Variants in SCN3B observed in about 807,000 individuals in gnomAD.
The protein encoded by SCN3B is sodium channel regulatory subunit beta-3.
A neutral mutation model predicts 25.4 loss-of-function variants in SCN3B; 11 were observed. The observed-to-expected ratio is 0.43, with a 90% CI of 0.27 to 0.72. The LOEUF (loss-of-function observed/expected upper bound fraction) is 0.72. SCN3B is among the 30% of genes least tolerant of loss of function. The pLI is 0.18. For synonymous variants in SCN3B, 109 were observed against 110.7 expected (o/e 0.99, Z 0.09); for missense variants, 218 against 278.3 (o/e 0.78, Z 1.54).
At position 123,638,210 on chromosome 11, in the gene SCN3B, G is replaced by A; in HGVS notation, c.560C>T (p.Ala187Val). The A allele has an allele frequency of 1.2e-6, 2 of 1,614,094 alleles. No homozygotes were observed. Among genetic ancestry groups the A allele is most frequent in the Non-Finnish European group, 8.5e-7 (1 of 1,180,032 alleles). ...MIYCYRKVSK[A>V]EEAAQENASD... ...CGCGTTTTCTTGGGCTGCCTCTTCG[G>A]CTTTTGAGACCTTTCTGTAGCAATA... The change falls in exon 5 of 7, where the codon GCC becomes GTC. Residue 187 changes from alanine to valine, a missense_variant. Coordinates refer to ENST00000299333, the MANE Select transcript of SCN3B (RefSeq NM_001040151.2).
intron 5 of SCN3B, 99 bp from the exon 6 acceptor site, chr11:123,634,305 C>G (rs1445074838): frequency 3.3e-6 from 3 of 909,884 alleles, no homozygotes. Flanking sequence ...ATCTACAGAA[C>G]AGCTCTGCAT....
At chr11:123,641,416 C>T (rs1955790036) in intron 4 of SCN3B, among the ~76,000 whole-genome samples, 1 of 152,230 alleles carries the variant, frequency 6.6e-6, no homozygotes, top group Non-Finnish European at 1.5e-5. Flanking sequence ...GACTGAATCT[C>T]CGCTTCATTA....
rs151281499 is a variant in SCN3B, at chr11:123,649,971, C to T, written c.55+3776G>A. Reference sequence around the variant, plus strand: ...TACCCACCTTGACCTCCCAAAGTGCCGGGATTACAGACATGAGCCACAGCA... The same window carrying T: ...TACCCACCTTGACCTCCCAAAGTGCTGGGATTACAGACATGAGCCACAGCA... On this transcript the variant is annotated intron_variant, in intron 2 of 6. Coordinates refer to ENST00000299333, the MANE Select transcript of SCN3B (RefSeq NM_001040151.2). Among the ~76,000 whole-genome samples the T allele has an allele frequency of 4.2e-3, 643 of 152,188 alleles. 13 individuals carry two copies. In the East Asian group the frequency reaches 0.07, roughly 17 times the overall value.
chr11:123,642,326 C>A lies in SCN3B; in HGVS notation c.445+120G>T. On this transcript the variant is annotated intron_variant, in intron 4 of 6. Coordinates refer to ENST00000299333, the MANE Select transcript of SCN3B (RefSeq NM_001040151.2). The surrounding 1 kb of genome is among the most constrained non-coding windows in gnomAD (Gnocchi z 4.3). ...TCAATGGTGACATTTTTAGATGTCA[C>A]CATTCCAAATACATGGGTTTTTGCA... The A allele has an allele frequency of 1.1e-6, 1 of 935,218 alleles. No homozygotes were observed. Among genetic ancestry groups the A allele is most frequent in the South Asian group, 1.4e-5 (1 of 73,794 alleles). The allele number at this position is 935,218 out of a possible 1,614,324, so 57.9% of individuals were successfully genotyped here. A position where few individuals can be genotyped will look rare whatever the true frequency, so the allele number is the denominator to read the frequency against.
chr11:123,646,989 A>G (rs775948086), intron 2 of SCN3B, among the ~76,000 whole-genome samples: 11 of 152,334 alleles, frequency 7.2e-5, no homozygotes, highest in Non-Finnish European at 1.2e-4. Flanking sequence ...TAGCTTGGAC[A>G]CAGAACATAT....
chr11:123,634,691 C>T (rs528771180), intron 5 of SCN3B, among the ~76,000 whole-genome samples: 12 of 152,258 alleles, frequency 7.9e-5, no homozygotes, highest in African/African-American at 2.9e-4. Context: ...ATGATTGCAC[C>T]ACTGCACTCC....
At chr11:123,645,974 C>T (rs907940974) in intron 2 of SCN3B, among the ~76,000 whole-genome samples, 1 of 152,156 alleles carries the variant, frequency 6.6e-6, no homozygotes, top group Admixed American at 6.5e-5. Flanking sequence ...ATGATCTAGA[C>T]ATTGACTGAA....
intron 6 of SCN3B, 130 bp downstream of exon 6, chr11:123,633,991 G>A (rs1591341816): frequency 8.5e-6 from 6 of 709,588 alleles, no homozygotes; most frequent in South Asian, 6.1e-5. Context: ...CCCTGAGGGC[G>A]GGGACCCCAG....
chr11:123,640,247 CT>C (rs1456373661), intron 4 of SCN3B: 1 of 152,270 alleles, frequency 6.6e-6, no homozygotes, highest in Non-Finnish European at 1.5e-5. Flanking sequence ...CATGCTCTCT[CT>C]TTCAAAATGC....
intron 2 of SCN3B, among the ~76,000 whole-genome samples, chr11:123,651,143 A>T (rs897410179): frequency 1.3e-5 from 2 of 151,354 alleles, no homozygotes; most frequent in Admixed American, 1.3e-4. Flanking sequence ...TTATTTTTTA[A>T]ATCTCTTTAA....
chr11:123,642,577 A>C lies in SCN3B; in HGVS notation c.314T>G (p.Ile105Ser). The C allele has an allele frequency of 6.2e-7, 1 of 1,614,032 alleles. No homozygotes were observed. The highest frequency in any genetic ancestry group is 1.1e-5 in the South Asian group (1 of 91,080). ...GTTCAGAGTGACGTTGAGCACAGTG[A>C]TGGACACGTCCTGCAGGTCCTTGCT... ...NGSKDLQDVS[I>S]TVLNVTLNDS... The change falls in exon 4 of 7, where the codon ATC (isoleucine) becomes AGC (serine). Residue 105 changes from isoleucine to serine, a missense_variant. Coordinates refer to ENST00000299333, the MANE Select transcript of SCN3B (RefSeq NM_001040151.2). The surrounding 1 kb of genome is among the most constrained non-coding windows in gnomAD (Gnocchi z 4.3).
rs1010838900 is a variant in SCN3B at position 123,630,621 on chromosome 11, C to A, written c.*3178G>T. On this transcript the variant is annotated 3_prime_UTR_variant, in exon 7 of 7. Coordinates refer to ENST00000299333, the MANE Select transcript of SCN3B (RefSeq NM_001040151.2). Reference sequence around the variant, plus strand: ...TGGAAGTAGGCTGGTGATCACAGTACCTTATTGATTTACAGTCATTATCAA... The same window carrying A: ...TGGAAGTAGGCTGGTGATCACAGTAACTTATTGATTTACAGTCATTATCAA... 6.6e-6 allele frequency: 1 copy of A among 152,392 alleles called. No individual in the cohort carries two copies. Among genetic ancestry groups the A allele is most frequent in the East Asian group, 1.9e-4 (1 of 5,192 alleles). 9.4% of individuals were successfully genotyped at this position (152,392 alleles called of 1,614,324 possible). A position where few individuals can be genotyped will look rare whatever the true frequency, so the allele number is the denominator to read the frequency against.
rs773055962 is a variant in SCN3B, at chr11:123,636,149, C to T, written c.585-1943G>A. Among the ~76,000 whole-genome samples the T allele has an allele frequency of 4.6e-5, 7 of 152,026 alleles. No individual in the cohort carries two copies. The East Asian group carries it at 5.8e-4, about 13-fold the overall frequency. ...TGTATATTTTTGTCAAATTTATCCC[C>T]GGAACTGGGGAGTACTTCTTGCTAT... On this transcript the variant is annotated intron_variant, in intron 5 of 6. Coordinates refer to ENST00000299333, the MANE Select transcript of SCN3B (RefSeq NM_001040151.2).
At chr11:123,635,510 C>T (rs1329082201) in intron 5 of SCN3B, among the ~76,000 whole-genome samples, 1 of 151,936 alleles carries the variant, frequency 6.6e-6, no homozygotes, top group Non-Finnish European at 1.5e-5. Context: ...TGGTGAAATC[C>T]CGTCTCTACT....
At position 123,633,712 on chromosome 11, in the gene SCN3B, C is replaced by T. The variant is rs534980855; in HGVS notation, c.*87G>A. Reference sequence around the variant, plus strand: ...AAGGGAAGCGATGGGGCCCTTGGGGCGCCCTCCTGATGCCATTGACATTGC... The same window carrying T: ...AAGGGAAGCGATGGGGCCCTTGGGGTGCCCTCCTGATGCCATTGACATTGC... On this transcript the variant is annotated 3_prime_UTR_variant, in exon 7 of 7. Transcript: ENST00000299333. 57 of 273,784 alleles carry T rather than the reference C, an allele frequency of 2.1e-4. No homozygotes were observed. The South Asian group carries it at 2.2e-3, about 10-fold the overall frequency. The allele number at this position is 273,784 out of a possible 1,614,324, so 17.0% of individuals were successfully genotyped here. A position where few individuals can be genotyped will look rare whatever the true frequency, so the allele number is the denominator to read the frequency against.
rs1955752882 is a variant in SCN3B at position 123,638,332 on chromosome 11, A to G, written c.446-8T>C. ...AGGTGAAGTCCTCTCCAGCTGAAAG[A>G]AAGAGAATGAGGTTCAGAATATGCA... On this transcript the variant is annotated splice_polypyrimidine_tract_variant and splice_region_variant and intron_variant, in intron 4 of 6. Coordinates refer to ENST00000299333, the MANE Select transcript of SCN3B (RefSeq NM_001040151.2). 6.2e-7 allele frequency: 1 copy of G among 1,613,912 alleles called. No individual in the cohort carries two copies. Among genetic ancestry groups the G allele is most frequent in the South Asian group, 1.1e-5 (1 of 91,086 alleles).
At chr11:123,644,975 C>G (rs1955838423) in intron 3 of SCN3B, among the ~76,000 whole-genome samples, 1 of 151,806 alleles carries the variant, frequency 6.6e-6, no homozygotes, top group Non-Finnish European at 1.5e-5. Context: ...AGACTCCCAG[C>G]TCTGCCAGGA....
chr11:123,636,927 C>T (rs763192246), intron 5 of SCN3B, among the ~76,000 whole-genome samples: 4 of 152,178 alleles, frequency 2.6e-5, no homozygotes, highest in Admixed American at 1.3e-4. Flanking sequence ...CTCCTGACCT[C>T]ATGATCTGCC....
At chr11:123,645,432 T>G (rs1178331923) in intron 3 of SCN3B, among the ~76,000 whole-genome samples, 155 bp downstream of exon 3, 1 of 152,144 alleles carries the variant, frequency 6.6e-6, no homozygotes, top group Non-Finnish European at 1.5e-5. Context: ...AGCTGGGGCT[T>G]CACTAAGGCT....
Sources: allele counts gnomAD v4.1 joint callset (sites outside exome capture counted in the v4.1 genomes callset), GRCh38; gene constraint gnomAD v4.1.1; non-coding constraint Gnocchi (gnomAD v3.1); transcripts MANE v1.5; gene names NCBI Gene and HGNC (gene_info 2026-07-23, HGNC 2026-07-21).